COL4A2: variants seen among roughly 807,000 people sequenced by gnomAD.
COL4A2 encodes the protein collagen alpha-2(IV) chain.
Under a neutral mutation model 200.2 loss-of-function variants are expected in COL4A2, and 99 were observed. The observed-to-expected ratio is 0.49, with a 90% CI of 0.42 to 0.58. The LOEUF (loss-of-function observed/expected upper bound fraction) is 0.58. Among genes scored for constraint, COL4A2 ranks in the 20% least tolerant of loss-of-function variants. The pLI, the probability that COL4A2 is intolerant of heterozygous loss-of-function variation, is 0.00. For missense variants in COL4A2, 1,950 were observed against 2,314.1 expected (o/e 0.84, Z 3.23); for synonymous variants, 897 against 900.6 (o/e 1.00, Z 0.07).
At chr13:110,458,225 T>C (rs571414744) in intron 21 of COL4A2, 1 of 426,114 alleles carries the variant, frequency 2.3e-6, no homozygotes, top group African/African-American at 2.1e-5. Flanking sequence ...CTCTGTGCCC[T>C]GGGGGAGCCA....
At position 110,508,433 on chromosome 13, in the gene COL4A2, G is replaced by C; in HGVS notation, c.4881+212G>C. On this transcript the variant is annotated intron_variant, in intron 47 of 47. Transcript: ENST00000360467. This position sits in a 1 kb window ranked among gnomAD's most constrained non-coding sequence, Gnocchi z 6.1. ...GCACAGGGCTTCCTCCACCCAGAAA[G>C]GGCTCATTAATTTGCCACCAGGCCT... 1 of 768,206 alleles carries C rather than the reference G, an allele frequency of 1.3e-6. No individual in the cohort carries two copies. The highest frequency in any genetic ancestry group is 2.0e-6 in the Non-Finnish European group (1 of 491,616). 47.6% of individuals were successfully genotyped at this position (768,206 alleles called of 1,614,324 possible).
At chr13:110,471,943 G>A (rs1292589950) in intron 28 of COL4A2, among the ~76,000 whole-genome samples, 1 of 152,078 alleles carries the variant, frequency 6.6e-6, no homozygotes. Flanking sequence ...TTCCTTCTGA[G>A]CACTGCGTGA....
chr13:110,494,876 A>C (rs1040019225), intron 39 of COL4A2, among the ~76,000 whole-genome samples: 4 of 152,162 alleles, frequency 2.6e-5, no homozygotes, highest in African/African-American at 9.7e-5. Context: ...CGTCATTAAC[A>C]CTCCATTACA....
rs78589207 is a variant in COL4A2 at position 110,482,442 on chromosome 13, C to G, written c.2759-74C>G. On this transcript the variant is annotated intron_variant, in intron 31 of 47. Transcript: ENST00000360467. Reference sequence around the variant, plus strand: ...CTTGAGTTACATTGCCGAAATGTTACGGAGACGTGAGACTGAAATGTCCCA... The same window carrying G: ...CTTGAGTTACATTGCCGAAATGTTAGGGAGACGTGAGACTGAAATGTCCCA... 8.4e-3 allele frequency: 12,542 copies of G among 1,489,598 alleles called. 72 individuals are homozygous for G. The highest frequency in any genetic ancestry group is 9.5e-3 in the Non-Finnish European group (10,206 of 1,076,696). The allele number at this position is 1,489,598 out of a possible 1,614,324, so 92.3% of individuals were successfully genotyped here.
chr13:110,489,741 G>A lies in COL4A2; in HGVS notation c.3302G>A (p.Gly1101Glu). The A allele has an allele frequency of 2.5e-6, 4 of 1,614,060 alleles. No individual in the cohort carries two copies. The highest frequency in any genetic ancestry group is 3.4e-6 in the Non-Finnish European group (4 of 1,180,018). Residue 1101 changes from glycine (G) to glutamate (E), a missense_variant, in exon 36 of 48, where the codon GGA becomes GAA. Physicochemically the swap from Gly to Glu is moderately conservative, Grantham distance 98 (BLOSUM62 -2). Transcript: ENST00000360467. ...ATCGGGGACACTATAAATTTACCAGGAAGACCAGGCCTGAAGGGGGAGCGG... is the reference window on the plus strand; with the variant it reads ...ATCGGGGACACTATAAATTTACCAGAAAGACCAGGCCTGAAGGGGGAGCGG... ...GDIGDTINLP[G>E]RPGLKGERGT...
At position 110,512,382 on chromosome 13, in the gene COL4A2, G is replaced by A. The variant is rs1232031258; in HGVS notation, c.*191G>A. ...GGTGCAAGCACTCGGGGTCCCTGGAGGGCAAGCCCTGCCCACAGAAAGCCA... is the reference window on the plus strand; with the variant it reads ...GGTGCAAGCACTCGGGGTCCCTGGAAGGCAAGCCCTGCCCACAGAAAGCCA... On this transcript the variant is annotated 3_prime_UTR_variant, in exon 48 of 48. Coordinates refer to ENST00000360467, the MANE Select transcript of COL4A2 (RefSeq NM_001846.4). 2.1e-6 allele frequency: 2 copies of A among 964,834 alleles called. No homozygotes were observed. The highest frequency in any genetic ancestry group is 1.7e-5 in the African/African-American group (1 of 60,568). The allele number at this position is 964,834 out of a possible 1,614,324, so 59.8% of individuals were successfully genotyped here.
At chr13:110,386,978 A>G (rs1021452784) in intron 4 of COL4A2, among the ~76,000 whole-genome samples, 5 of 152,154 alleles carry the variant, frequency 3.3e-5, no homozygotes, top group Non-Finnish European at 7.4e-5. Flanking sequence ...GGTGGCTCAT[A>G]CCTGTAATCC....
At chr13:110,497,231 G>A (rs1416140390) in intron 40 of COL4A2, among the ~76,000 whole-genome samples, 1 of 151,748 alleles carries the variant, frequency 6.6e-6, no homozygotes, top group African/African-American at 2.4e-5. Context: ...CGTCACTCAG[G>A]GGTGAAGATC....
intron 3 of COL4A2, among the ~76,000 whole-genome samples, chr13:110,349,399 G>A (rs117744098): frequency 7.2e-5 from 11 of 152,276 alleles, no homozygotes; most frequent in Non-Finnish European, 1.2e-4. Context: ...AAGGCAACAC[G>A]ATACTCTCTT....
chr13:110,486,792 C>A (rs1883132483), intron 34 of COL4A2, among the ~76,000 whole-genome samples: 1 of 151,986 alleles, frequency 6.6e-6, no homozygotes, highest in African/African-American at 2.4e-5. Flanking sequence ...GTGGGGGTCA[C>A]AAGGTGCTCA....
chr13:110,472,894 C>G, intron 28 of COL4A2, 35 bp from the exon 29 acceptor site: 1 of 1,537,302 alleles, frequency 6.5e-7, no homozygotes, highest in East Asian at 2.4e-5. Flanking sequence ...ACCATGCTAA[C>G]TTGTGGTTTG....
At chr13:110,491,812 G>A (rs1324864583) in intron 37 of COL4A2, among the ~76,000 whole-genome samples, 3 of 152,134 alleles carry the variant, frequency 2.0e-5, no homozygotes, top group African/African-American at 7.2e-5. Flanking sequence ...ACGTCTATTT[G>A]GATAATAGGG....
At chr13:110,464,631 G>T (rs1566548924) in intron 24 of COL4A2, among the ~76,000 whole-genome samples, 1 of 152,216 alleles carries the variant, frequency 6.6e-6, no homozygotes, top group Non-Finnish European at 1.5e-5. Flanking sequence ...ACAAGGAAGG[G>T]GCTGTGGTGT....
intron 4 of COL4A2, among the ~76,000 whole-genome samples, chr13:110,364,643 C>A (rs1428244938): frequency 6.6e-6 from 1 of 152,068 alleles, no homozygotes; most frequent in Non-Finnish European, 1.5e-5. Flanking sequence ...ATATATAAGC[C>A]CAATAGGTCA....
intron 4 of COL4A2, among the ~76,000 whole-genome samples, chr13:110,380,066 C>G (rs1287945827): frequency 6.6e-6 from 1 of 152,204 alleles, no homozygotes; most frequent in African/African-American, 2.4e-5. Context: ...CTGCTCCACT[C>G]AAACCGTCCC....
chr13:110,375,427 C>G (rs1380732565), intron 4 of COL4A2, among the ~76,000 whole-genome samples: 1 of 152,172 alleles, frequency 6.6e-6, no homozygotes, highest in East Asian at 1.9e-4. Context: ...CAGAAAATGC[C>G]AGTCAGTTGG....
chr13:110,346,557 C>T (rs1876709283), intron 3 of COL4A2, among the ~76,000 whole-genome samples: 1 of 152,150 alleles, frequency 6.6e-6, no homozygotes, highest in Admixed American at 6.5e-5. Flanking sequence ...GGGGCACCCT[C>T]CAGTGCTCCG....
intron 32 of COL4A2, among the ~76,000 whole-genome samples, chr13:110,484,395 C>G (rs1266493456): frequency 6.6e-6 from 1 of 152,116 alleles, no homozygotes; most frequent in Non-Finnish European, 1.5e-5. Context: ...AGTTTCCCGC[C>G]CGGCCCGCAG....
At chr13:110,309,981 ACT>A (rs1378378669) in intron 3 of COL4A2, among the ~76,000 whole-genome samples, 1 of 152,122 alleles carries the variant, frequency 6.6e-6, no homozygotes, top group South Asian at 2.1e-4. Context: ...ACGGAGCAAG[ACT>A]CTGTCTAAAA....
Sources: allele counts gnomAD v4.1 joint callset (sites outside exome capture counted in the v4.1 genomes callset), GRCh38; gene constraint gnomAD v4.1.1; non-coding constraint Gnocchi (gnomAD v3.1); transcripts MANE v1.5; gene names NCBI Gene and HGNC (gene_info 2026-07-23, HGNC 2026-07-21).